IL7: variants seen among roughly 807,000 people sequenced by gnomAD.
The protein encoded by IL7 is interleukin-7.
A neutral mutation model predicts 21.6 loss-of-function variants in IL7; 3 were observed. The observed-to-expected ratio is 0.14, with a 90% CI of 0.06 to 0.36. The LOEUF (loss-of-function observed/expected upper bound fraction) is 0.36. IL7 is among the 10% of genes least tolerant of loss of function. The pLI is 1.00. For synonymous variants in IL7, 62 were observed against 68.1 expected (o/e 0.91, Z 0.44); for missense variants, 175 against 200.2 (o/e 0.87, Z 0.76).
In IL7 at chr8:78,733,418, T is replaced by G; in HGVS notation, c.*295A>C. On this transcript the variant is annotated 3_prime_UTR_variant, in exon 6 of 6. Coordinates refer to ENST00000263851, the MANE Select transcript of IL7 (RefSeq NM_000880.4). ...AATATTTAAACAGGTTTGAGAAGTA[T>G]TATTGCAACTGATACCTTACATGGA... 1 of 247,372 alleles carries G rather than the reference T, an allele frequency of 4.0e-6. No individual in the cohort carries two copies. The highest frequency in any genetic ancestry group is 7.7e-6 in the Non-Finnish European group (1 of 129,792). 15.3% of individuals were successfully genotyped at this position (247,372 alleles called of 1,614,324 possible).
intron 3 of IL7, among the ~76,000 whole-genome samples, chr8:78,712,440 G>C (rs1311388783): frequency 1.3e-5 from 2 of 152,000 alleles, no homozygotes; most frequent in African/African-American, 2.4e-5. Context: ...TTAAAAAGCA[G>C]AGTTTGAGAA....
intron 4 of IL7, among the ~76,000 whole-genome samples, chr8:78,679,774 C>T (rs1809706888): frequency 6.6e-6 from 1 of 152,078 alleles, no homozygotes. Flanking sequence ...ATTAATCTTA[C>T]TAATAAAAAA....
At chr8:78,748,491 A>G (rs1476431266) in intron 2 of IL7, among the ~76,000 whole-genome samples, 1 of 152,240 alleles carries the variant, frequency 6.6e-6, no homozygotes, top group African/African-American at 2.4e-5. Context: ...ACAACAAAAG[A>G]GTCAGATGCT....
chr8:78,695,736 T>C (rs77793352), intron 3 of IL7, among the ~76,000 whole-genome samples: 2,841 of 152,260 alleles, frequency 0.019, 39 homozygotes, highest in Middle Eastern at 0.037. Flanking sequence ...CATTATATGG[T>C]TCATCTCCCA....
At chr8:78,705,605 C>A (rs994978318) in intron 3 of IL7, among the ~76,000 whole-genome samples, 1 of 151,924 alleles carries the variant, frequency 6.6e-6, no homozygotes, top group East Asian at 1.9e-4. Context: ...TTTATGGGAC[C>A]ACTGTGGTGT....
intron 2 of IL7, among the ~76,000 whole-genome samples, chr8:78,747,464 C>A (rs186552018): frequency 3.5e-4 from 54 of 152,226 alleles, no homozygotes; most frequent in African/African-American, 1.3e-3. Context: ...ACTATGACAA[C>A]CTATCCATGG....
chr8:78,716,172 G>T (rs1322798184), downstream of IL7, among the ~76,000 whole-genome samples: 2 of 151,262 alleles, frequency 1.3e-5, no homozygotes, highest in Non-Finnish European at 2.9e-5. Context: ...GCTCAGGCTG[G>T]AGTGCAGTGG....
intron 2 of IL7, among the ~76,000 whole-genome samples, chr8:78,782,875 T>G (rs1433649853): frequency 1.3e-5 from 2 of 152,108 alleles, no homozygotes; most frequent in Non-Finnish European, 2.9e-5. Context: ...CGTAAACCCC[T>G]GGCTGGAGAT....
intron 3 of IL7, among the ~76,000 whole-genome samples, chr8:78,711,222 C>T (rs1278756821): frequency 2.0e-5 from 3 of 152,094 alleles, no homozygotes. Context: ...TCAATTTTCC[C>T]TGCTTCCTAC....
intron 2 of IL7, among the ~76,000 whole-genome samples, chr8:78,778,236 T>C (rs577366181): frequency 2.0e-5 from 3 of 152,228 alleles, no homozygotes; most frequent in East Asian, 1.9e-4. Context: ...CATAAATGCA[T>C]GCAAAATTGC....
chr8:78,700,513 C>T (rs1169824803), intron 3 of IL7, among the ~76,000 whole-genome samples: 1 of 152,036 alleles, frequency 6.6e-6, no homozygotes, highest in Non-Finnish European at 1.5e-5. Flanking sequence ...AGTTTAATTA[C>T]AGCCCATTTG....
chr8:78,714,208 C>T (rs985477574), downstream of IL7, among the ~76,000 whole-genome samples: 1 of 152,124 alleles, frequency 6.6e-6, no homozygotes, highest in Non-Finnish European at 1.5e-5. Flanking sequence ...AACACACTAG[C>T]AGGGTCACCT....
intron 4 of IL7, among the ~76,000 whole-genome samples, chr8:78,737,894 C>T (rs938053294): frequency 6.6e-6 from 1 of 152,116 alleles, no homozygotes; most frequent in African/African-American, 2.4e-5. Context: ...TTAATCCTTT[C>T]AAATCCCACA....
chr8:78,787,763 T>A (rs930579390), intron 2 of IL7, among the ~76,000 whole-genome samples: 1 of 152,172 alleles, frequency 6.6e-6, no homozygotes, highest in East Asian at 1.9e-4. Context: ...AAGTGGAGTG[T>A]TAGTGAATTT....
chr8:78,784,234 C>T (rs72661381), intron 2 of IL7, among the ~76,000 whole-genome samples: 9,789 of 152,214 alleles, frequency 0.064, 343 homozygotes, highest in Middle Eastern at 0.092. Flanking sequence ...CTCTAGCCAT[C>T]TGAAAATTTC....
intron 2 of IL7, among the ~76,000 whole-genome samples, chr8:78,784,355 C>T (rs1310515406): frequency 1.3e-5 from 2 of 152,136 alleles, no homozygotes; most frequent in African/African-American, 4.8e-5. Context: ...GCCTCCAGAA[C>T]TGTGAGGAAT....
rs1054214542 is a variant in IL7 at position 78,805,288 on chromosome 8, A to G, written c.-366T>C. 9.9e-6 allele frequency: 2 copies of G among 201,644 alleles called. No individual in the cohort carries two copies. Among genetic ancestry groups the G allele is most frequent in the East Asian group, 2.4e-4 (2 of 8,484 alleles). 12.5% of individuals were successfully genotyped at this position (201,644 alleles called of 1,614,324 possible). A position where few individuals can be genotyped will look rare whatever the true frequency, so the allele number is the denominator to read the frequency against. ...GGGCACCTGCTTCCCGCGCACCTGG[A>G]TGAGGACCAGAGGAATTCGCGAATT... On this transcript the variant is annotated 5_prime_UTR_variant, in exon 1 of 6. Coordinates refer to ENST00000263851, the MANE Select transcript of IL7 (RefSeq NM_000880.4).
intron 4 of IL7, among the ~76,000 whole-genome samples, chr8:78,680,671 A>G (rs1358379718): frequency 6.6e-6 from 1 of 152,190 alleles, no homozygotes; most frequent in Admixed American, 6.6e-5. Flanking sequence ...ATTATCAAAT[A>G]TATGTAAGGA....
chr8:78,760,298 G>A, intron 2 of IL7: 3 of 1,607,112 alleles, frequency 1.9e-6, no homozygotes, highest in Non-Finnish European at 2.5e-6. Context: ...CTGTCAAAGT[G>A]TTCCTCAAAT....
Sources: gnomAD v4.1 joint callset for allele counts (sites outside exome capture counted in the v4.1 genomes callset) on GRCh38, gnomAD v4.1.1 for gene constraint, MANE v1.5 for transcripts, NCBI Gene and HGNC (gene_info 2026-07-23, HGNC 2026-07-21) for gene names.